Variants in ANKDD1B observed in about 807,000 individuals in gnomAD.
ANKDD1B encodes the protein ankyrin repeat and death domain-containing protein 1B.
Under a neutral mutation model 59.7 loss-of-function variants are expected in ANKDD1B, and 57 were observed. That is an observed-to-expected ratio of 0.95 (90% CI 0.77 to 1.19). The LOEUF (loss-of-function observed/expected upper bound fraction) is 1.19, where lower values mean the gene tolerates loss of function less well. ANKDD1B is among the 50% of genes most tolerant of loss of function. The probability of loss-of-function intolerance (pLI) is 0.00; values close to 1 mark genes in which losing one functional copy is unlikely to be tolerated. For synonymous variants in ANKDD1B, 216 were observed against 239.5 expected (o/e 0.90, Z 0.91); for missense variants, 602 against 641.9 (o/e 0.94, Z 0.67).
intron 5 of ANKDD1B, among the ~76,000 whole-genome samples, chr5:75,634,302 C>T (rs1399646017): frequency 1.3e-5 from 2 of 152,186 alleles, no homozygotes; most frequent in Non-Finnish European, 2.9e-5. Context: ...CATCTGTATT[C>T]TCTGGGTAAT....
At chr5:75,627,411 T>C (rs1241486092) in intron 5 of ANKDD1B, among the ~76,000 whole-genome samples, 1 of 152,194 alleles carries the variant, frequency 6.6e-6, no homozygotes, top group Non-Finnish European at 1.5e-5. Flanking sequence ...CCCCCTTTCG[T>C]TTATGCCATT....
chr5:75,620,304 T>G lies in ANKDD1B; in HGVS notation c.298-11T>G. 2 of 1,427,302 alleles carry G rather than the reference T, an allele frequency of 1.4e-6. No homozygotes were observed. Among genetic ancestry groups the G allele is most frequent in the Non-Finnish European group, 1.9e-6 (2 of 1,056,792 alleles). 88.4% of individuals were successfully genotyped at this position (1,427,302 alleles called of 1,614,324 possible). A position where few individuals can be genotyped will look rare whatever the true frequency, so the allele number is the denominator to read the frequency against. ...ATCAGATGACTAAAAACATAAATTA[T>G]GCTTCCTCAGATGAACCGCACAGCC... is the stretch of plus-strand genomic sequence containing the variant. On this transcript the variant is annotated splice_polypyrimidine_tract_variant and intron_variant, in intron 2 of 13. Transcript: ENST00000601380.
chr5:75,615,910 G>A (rs1234169420), intron 1 of ANKDD1B, among the ~76,000 whole-genome samples: 1 of 152,132 alleles, frequency 6.6e-6, no homozygotes, highest in Non-Finnish European at 1.5e-5. Flanking sequence ...ATACTCCTTG[G>A]TTGGTCCTTG....
intron 5 of ANKDD1B, among the ~76,000 whole-genome samples, chr5:75,626,412 C>T (rs1773997765): frequency 6.6e-6 from 1 of 152,216 alleles, no homozygotes; most frequent in Non-Finnish European, 1.5e-5. Flanking sequence ...CCAGCTACTA[C>T]TTAACGAGTA....
rs543665315 is a variant in ANKDD1B, at chr5:75,613,946, C to A, written c.193+2119C>A. Among the ~76,000 whole-genome samples, 50 of 152,288 alleles carry A rather than the reference C, an allele frequency of 3.3e-4. No individual in the cohort carries two copies. The South Asian group carries it at 1.0e-2, about 30-fold the overall frequency. ...TTCAAGACCAGCCTGGACCACGTAACGAGACCCTGTCTTTACATTTAAAAG... is the reference window on the plus strand; with the variant it reads ...TTCAAGACCAGCCTGGACCACGTAAAGAGACCCTGTCTTTACATTTAAAAG... On this transcript the variant is annotated intron_variant, in intron 1 of 13. Transcript: ENST00000601380.
intron 7 of ANKDD1B, among the ~76,000 whole-genome samples, chr5:75,645,247 T>A (rs1397045616): frequency 9.6e-5 from 11 of 114,068 alleles, no homozygotes; most frequent in Admixed American, 1.7e-4. Flanking sequence ...ATAACTAAAA[T>A]CAGAGCAGAA....
chr5:75,647,928 AATG>A (rs1034834784), intron 7 of ANKDD1B, among the ~76,000 whole-genome samples: 2 of 111,266 alleles, frequency 1.8e-5, no homozygotes, highest in African/African-American at 6.1e-5. Flanking sequence ...AGCCATAAAA[AATG>A]ATGAGTTCAT....
chr5:75,616,771 T>A, intron 1 of ANKDD1B, 33 bp from the exon 2 acceptor site: 3 of 1,075,408 alleles, frequency 2.8e-6, no homozygotes, highest in Non-Finnish European at 4.1e-6. Context: ...CTCCTTAAAT[T>A]CCCTCAGTCA....
intron 1 of ANKDD1B, among the ~76,000 whole-genome samples, chr5:75,615,105 T>C (rs1044537492): frequency 1.6e-4 from 25 of 152,008 alleles, no homozygotes; most frequent in Non-Finnish European, 5.9e-5. Flanking sequence ...GACATAGAGA[T>C]GAAGAATATG....
At chr5:75,641,045 A>G (rs942513420) in intron 7 of ANKDD1B, among the ~76,000 whole-genome samples, 45 of 152,214 alleles carry the variant, frequency 3.0e-4, no homozygotes, top group Non-Finnish European at 2.9e-5. Context: ...GCTGAAAAAA[A>G]AGTTTATTGT....
chr5:75,666,651 TA>T, intron 11 of ANKDD1B, 140 bp from the exon 12 acceptor site: 2 of 602,336 alleles, frequency 3.3e-6, no homozygotes, highest in South Asian at 2.3e-5. Flanking sequence ...AAAATATATA[TA>T]TGATCCAGTG....
At chr5:75,619,423 C>T (rs994301711) in intron 2 of ANKDD1B, among the ~76,000 whole-genome samples, 6 of 152,204 alleles carry the variant, frequency 3.9e-5, no homozygotes, top group Non-Finnish European at 5.9e-5. Flanking sequence ...TAAATACACA[C>T]ATAGTTTTAC....
intron 5 of ANKDD1B, among the ~76,000 whole-genome samples, chr5:75,630,150 T>C (rs982156765): frequency 1.3e-5 from 2 of 152,084 alleles, no homozygotes; most frequent in Admixed American, 1.3e-4. Flanking sequence ...CCTATGAGAC[T>C]GCCCTGGATA....
In ANKDD1B at chr5:75,637,270, A is replaced by AAAAG. The variant is rs1561439322; in HGVS notation, c.798+1396_798+1399dup. 3.3e-4 allele frequency among the ~76,000 whole-genome samples: 47 copies of AAAAG among 141,976 alleles called. No individual in the cohort carries two copies. The East Asian group carries it at 4.3e-3, about 13-fold the overall frequency. The allele number at this position is 141,976 out of a possible 152,430, so 93.1% of individuals were successfully genotyped here. A position where few individuals can be genotyped will look rare whatever the true frequency, so the allele number is the denominator to read the frequency against. ...AAAAAAAAAAAAAAAAAAAAAAAAA[A>AAAAG]AAAGAAAGAAAAAAGAAACTGGTTC... On this transcript the variant is annotated intron_variant, in intron 7 of 13. Transcript: ENST00000601380.
At chr5:75,655,883 T>G (rs1014367859) in intron 8 of ANKDD1B, 146 bp from the exon 9 acceptor site, 4 of 522,258 alleles carry the variant, frequency 7.7e-6, no homozygotes, top group Non-Finnish European at 1.4e-5. Flanking sequence ...CAATAAATGC[T>G]GAACACTTAC....
At chr5:75,655,539 A>G (rs1004576091) in intron 8 of ANKDD1B, among the ~76,000 whole-genome samples, 1 of 152,202 alleles carries the variant, frequency 6.6e-6, no homozygotes, top group Non-Finnish European at 1.5e-5. Context: ...AGCCTATTTA[A>G]CACTTACTTA....
intron 1 of ANKDD1B, among the ~76,000 whole-genome samples, chr5:75,615,838 G>A (rs775732716): frequency 1.1e-4 from 17 of 152,168 alleles, no homozygotes; most frequent in Middle Eastern, 3.4e-3. Context: ...CTTGGGGTTA[G>A]GACTTCAACA....
At chr5:75,666,647 T>A (rs962834324) in intron 11 of ANKDD1B, 145 bp from the exon 12 acceptor site, 14 of 569,262 alleles carry the variant, frequency 2.5e-5, no homozygotes, top group African/African-American at 1.0e-4. Context: ...AAAAAAAATA[T>A]ATATATGATC....
At position 75,634,886 on chromosome 5, in the gene ANKDD1B, AT is replaced by A. The variant is rs1774257494; in HGVS notation, c.601-10del. ...CTGTAATAAATGCTTGAGGTTTGTG[AT>A]TGATTTTTAGAAAGGAAGAAAACCA... On this transcript the variant is annotated splice_polypyrimidine_tract_variant and intron_variant, in intron 5 of 13. Coordinates refer to ENST00000601380, the MANE Select transcript of ANKDD1B (RefSeq NM_001276713.2). 1.3e-6 allele frequency: 2 copies of A among 1,495,968 alleles called. No individual in the cohort carries two copies. Among genetic ancestry groups the A allele is most frequent in the African/African-American group, 2.8e-5 (2 of 72,210 alleles). The allele number at this position is 1,495,968 out of a possible 1,614,324, so 92.7% of individuals were successfully genotyped here. A position where few individuals can be genotyped will look rare whatever the true frequency, so the allele number is the denominator to read the frequency against.
Sources: gnomAD v4.1 joint callset for allele counts (sites outside exome capture counted in the v4.1 genomes callset) on GRCh38, gnomAD v4.1.1 for gene constraint, MANE v1.5 for transcripts, NCBI Gene and HGNC (gene_info 2026-07-23, HGNC 2026-07-21) for gene names.